Variants in ATP2B2 observed in about 807,000 individuals in gnomAD.
The protein encoded by ATP2B2 is ATPase plasma membrane Ca2+ transporting 2.
Under a neutral mutation model 120.0 loss-of-function variants are expected in ATP2B2, and 15 were observed. That is an observed-to-expected ratio of 0.12 (90% CI 0.08 to 0.19). The LOEUF (loss-of-function observed/expected upper bound fraction) is 0.19, where lower values mean the gene tolerates loss of function less well. Among genes scored for constraint, ATP2B2 ranks in the 10% least tolerant of loss-of-function variants. The pLI is 1.00. For synonymous variants in ATP2B2, 694 were observed against 700.3 expected (o/e 0.99, Z 0.14); for missense variants, 1,045 against 1,719.8 (o/e 0.61, Z 6.94).
chr3:10,391,179 T>C (rs2061838273), intron 5 of ATP2B2, among the ~76,000 whole-genome samples: 1 of 152,176 alleles, frequency 6.6e-6, no homozygotes, highest in Non-Finnish European at 1.5e-5. Flanking sequence ...TGATCTCATC[T>C]AGTCCTCAAA....
At chr3:10,572,079 C>A (rs2068141017) in intron 2 of ATP2B2, among the ~76,000 whole-genome samples, 1 of 152,180 alleles carries the variant, frequency 6.6e-6, no homozygotes. Flanking sequence ...TTTCCACCTG[C>A]CCCCATGCCT....
At chr3:10,687,519 A>T (rs1239995515) in intron 1 of ATP2B2, among the ~76,000 whole-genome samples, 3 of 152,284 alleles carry the variant, frequency 2.0e-5, no homozygotes, top group South Asian at 2.1e-4. Context: ...AGACTTTCAA[A>T]TTTTAGTGGG....
At chr3:10,476,484 T>C (rs1200009728) in intron 1 of ATP2B2, among the ~76,000 whole-genome samples, 1 of 151,986 alleles carries the variant, frequency 6.6e-6, no homozygotes, top group African/African-American at 2.4e-5. Context: ...GTGGGGATGG[T>C]TAGAGAGAGC....
At chr3:10,441,991 A>G (rs530352967) in intron 2 of ATP2B2, among the ~76,000 whole-genome samples, 5 of 152,264 alleles carry the variant, frequency 3.3e-5, no homozygotes, top group African/African-American at 9.6e-5. Flanking sequence ...TGATTAGTGC[A>G]TATTGATTCT....
chr3:10,550,362 T>C (rs936296317), intron 2 of ATP2B2, among the ~76,000 whole-genome samples: 1 of 152,230 alleles, frequency 6.6e-6, no homozygotes, highest in Admixed American at 6.5e-5. Flanking sequence ...ATAGTATTGG[T>C]TTCTTTTTCT....
chr3:10,700,236 C>G (rs913576052), intron 1 of ATP2B2, among the ~76,000 whole-genome samples: 1 of 152,016 alleles, frequency 6.6e-6, no homozygotes, highest in East Asian at 1.9e-4. Flanking sequence ...TGGTAACAAA[C>G]TCGTTCACAT....
At chr3:10,477,405 G>T (rs1340515037) in intron 1 of ATP2B2, among the ~76,000 whole-genome samples, 1 of 152,144 alleles carries the variant, frequency 6.6e-6, no homozygotes, top group Non-Finnish European at 1.5e-5. Context: ...TACATAACAT[G>T]GGATTTACCA....
At chr3:10,534,995 C>G (rs1372287804) in intron 2 of ATP2B2, among the ~76,000 whole-genome samples, 2 of 150,616 alleles carry the variant, frequency 1.3e-5, no homozygotes, top group Non-Finnish European at 3.0e-5. Context: ...TCTCTGCCTC[C>G]CGGGTTCAAG....
intron 1 of ATP2B2, among the ~76,000 whole-genome samples, chr3:10,692,744 C>T (rs1332995587): frequency 1.3e-5 from 2 of 152,194 alleles, no homozygotes; most frequent in African/African-American, 4.8e-5. Flanking sequence ...ATGAGGACAG[C>T]ATTAGGCCTG....
At position 10,517,547 on chromosome 3, in the gene ATP2B2, C is replaced by T. The variant is rs547687400; in HGVS notation, c.-320+16492G>A. 1.0e-3 allele frequency among the ~76,000 whole-genome samples: 154 copies of T among 152,238 alleles called. 1 individual carries two copies. Among genetic ancestry groups the T allele is most frequent in the African/African-American group, 3.4e-3 (143 of 41,528 alleles). ...ACTCATTTAATGAATATCCACTGGC[C>T]CTTAATAATGACAATAGCATTGATG... On this transcript the variant is annotated intron_variant, in intron 3 of 21. Coordinates refer to the ATP2B2 transcript ENST00000646379.
At chr3:10,536,663 A>C (rs142437390) in intron 2 of ATP2B2, among the ~76,000 whole-genome samples, 8 of 152,206 alleles carry the variant, frequency 5.3e-5, no homozygotes, top group Non-Finnish European at 1.0e-4. Flanking sequence ...AATAGCTGGG[A>C]CTACAAGTGT....
At chr3:10,338,734 G>A (rs1480818466) in intron 21 of ATP2B2, 1 of 320,038 alleles carries the variant, frequency 3.1e-6, no homozygotes, top group African/African-American at 2.2e-5. Context: ...ACCGAGCTTT[G>A]GTTTTCCTAG....
chr3:10,341,561 T>G (rs1218491213), intron 19 of ATP2B2, among the ~76,000 whole-genome samples: 2 of 152,182 alleles, frequency 1.3e-5, no homozygotes, highest in Admixed American at 6.5e-5. Flanking sequence ...TCCACCCGCC[T>G]CGGCCTCCCA....
At chr3:10,686,818 CA>C (rs2071535752) in intron 1 of ATP2B2, among the ~76,000 whole-genome samples, 1 of 152,104 alleles carries the variant, frequency 6.6e-6, no homozygotes, top group South Asian at 2.1e-4. Context: ...GAAATAAAAC[CA>C]AGAGCAGATG....
intron 2 of ATP2B2, among the ~76,000 whole-genome samples, chr3:10,542,387 A>C (rs1239412873): frequency 1.3e-5 from 2 of 152,228 alleles, no homozygotes; most frequent in Non-Finnish European, 2.9e-5. Flanking sequence ...AGAAAACTCA[A>C]GAAGAGAAGG....
chr3:10,411,260 G>C (rs534308310), intron 2 of ATP2B2, among the ~76,000 whole-genome samples: 1 of 152,190 alleles, frequency 6.6e-6, no homozygotes, highest in African/African-American at 2.4e-5. Context: ...AAATGTCTGG[G>C]GGCACCAGAC....
chr3:10,500,983 G>A (rs570862575), intron 1 of ATP2B2, among the ~76,000 whole-genome samples: 10 of 152,342 alleles, frequency 6.6e-5, no homozygotes, highest in African/African-American at 2.4e-4. Flanking sequence ...TGGGACCAGA[G>A]GGCTTACACA....
At chr3:10,396,290 C>T (rs918518249) in intron 5 of ATP2B2, among the ~76,000 whole-genome samples, 4 of 152,378 alleles carry the variant, frequency 2.6e-5, no homozygotes, top group Non-Finnish European at 4.4e-5. Flanking sequence ...GTGGGGCAGG[C>T]AGTGGAGGCC....
At chr3:10,585,331 T>TA (rs71268443) in intron 2 of ATP2B2, among the ~76,000 whole-genome samples, 56,772 of 150,048 alleles carry the variant, frequency 0.38, 11,162 homozygotes, top group East Asian at 0.72. Context: ...CCATCTCTAC[T>TA]AAAAATACAA....
Sources: gnomAD v4.1 joint callset for allele counts (sites outside exome capture counted in the v4.1 genomes callset) on GRCh38, gnomAD v4.1.1 for gene constraint, MANE v1.5 for transcripts, NCBI Gene and HGNC (gene_info 2026-07-23, HGNC 2026-07-21) for gene names.